Variants in ZNF521 observed in about 807,000 individuals in gnomAD.
The protein encoded by ZNF521 is zinc finger protein 521.
In ZNF521, 14 loss-of-function variants were observed where a neutral mutation model predicts 105.5. That is an observed-to-expected ratio of 0.13 (90% confidence interval 0.09 to 0.21). The LOEUF (loss-of-function observed/expected upper bound fraction) is 0.21. ZNF521 is among the 10% of genes least tolerant of loss of function. The probability of loss-of-function intolerance (pLI) is 1.00; values close to 1 mark genes in which losing one functional copy is unlikely to be tolerated. For missense variants in ZNF521, 1,233 were observed against 1,629.7 expected (o/e 0.76, Z 4.19); for synonymous variants, 635 against 606.0 (o/e 1.05, Z -0.70).
At chr18:25,281,431 C>T (rs1910373495) in intron 3 of ZNF521, among the ~76,000 whole-genome samples, 1 of 152,166 alleles carries the variant, frequency 6.6e-6, no homozygotes, top group African/African-American at 2.4e-5. Context: ...ACCCAAATCA[C>T]AAGTCAAGAA....
chr18:25,116,447 T>G (rs1034996083), intron 5 of ZNF521, among the ~76,000 whole-genome samples: 3 of 152,152 alleles, frequency 2.0e-5, no homozygotes, highest in African/African-American at 7.2e-5. Context: ...AGGTAACCCC[T>G]TAAACATGGT....
chr18:25,217,962 G>C (rs1282140935), intron 4 of ZNF521, among the ~76,000 whole-genome samples: 5 of 152,164 alleles, frequency 3.3e-5, no homozygotes, highest in African/African-American at 9.7e-5. Context: ...GTCAAGAGGA[G>C]AGAGGTTATT....
At chr18:25,260,703 C>T (rs1908847988) in intron 3 of ZNF521, among the ~76,000 whole-genome samples, 1 of 152,080 alleles carries the variant, frequency 6.6e-6, no homozygotes, top group South Asian at 2.1e-4. Context: ...ATTATAATTA[C>T]TCATGTGTCT....
chr18:25,326,063 G>T (rs1913198689), intron 2 of ZNF521, among the ~76,000 whole-genome samples: 1 of 152,126 alleles, frequency 6.6e-6, no homozygotes, highest in East Asian at 1.9e-4. Flanking sequence ...ATCAGTTTAA[G>T]GCCAACCAGC....
intron 3 of ZNF521, among the ~76,000 whole-genome samples, chr18:25,270,664 A>G (rs986938942): frequency 6.6e-6 from 1 of 152,190 alleles, no homozygotes; most frequent in Non-Finnish European, 1.5e-5. Context: ...AAACAGAACC[A>G]ATGACAAAAA....
chr18:25,127,178 T>G (rs1417474374), intron 5 of ZNF521, among the ~76,000 whole-genome samples: 3 of 151,976 alleles, frequency 2.0e-5, no homozygotes, highest in African/African-American at 7.2e-5. Flanking sequence ...AGGAGATTTT[T>G]GTGTGGGTAG....
chr18:25,299,238 C>T (rs1911493078), intron 3 of ZNF521, among the ~76,000 whole-genome samples: 1 of 152,158 alleles, frequency 6.6e-6, no homozygotes, highest in Admixed American at 6.5e-5. Flanking sequence ...ACACAGAATA[C>T]TAACATGTAA....
chr18:25,177,371 C>A (rs1055029237), intron 5 of ZNF521, among the ~76,000 whole-genome samples: 1 of 151,970 alleles, frequency 6.6e-6, no homozygotes, highest in African/African-American at 2.4e-5. Flanking sequence ...TCATAGGCAC[C>A]CATGGTATCA....
At chr18:25,139,788 C>T (rs2034812310) in intron 5 of ZNF521, among the ~76,000 whole-genome samples, 1 of 152,126 alleles carries the variant, frequency 6.6e-6, no homozygotes, top group Non-Finnish European at 1.5e-5. Context: ...TGTCTCCCTC[C>T]CAACTCATAT....
intron 5 of ZNF521, among the ~76,000 whole-genome samples, chr18:25,124,000 G>C (rs1259036088): frequency 4.6e-5 from 7 of 152,092 alleles, no homozygotes; most frequent in Non-Finnish European, 1.0e-4. Context: ...TATACTTGCG[G>C]GACTGGGAGC....
chr18:25,229,543 A>T (rs1400499942), intron 3 of ZNF521, among the ~76,000 whole-genome samples: 1 of 152,210 alleles, frequency 6.6e-6, no homozygotes, highest in Non-Finnish European at 1.5e-5. Flanking sequence ...CATACAAAAA[A>T]AAAAATTTAA....
intron 5 of ZNF521, among the ~76,000 whole-genome samples, chr18:25,148,430 T>C (rs1364510395): frequency 6.6e-6 from 1 of 152,200 alleles, no homozygotes; most frequent in Non-Finnish European, 1.5e-5. Flanking sequence ...CTGATTTCTA[T>C]GCATTGAGTT....
chr18:25,256,630 C>A lies in ZNF521; in HGVS notation c.221-28933G>T, dbSNP rs550095261. ...AAGACTTTAAGGCTTGAAAAGAGGC[C>A]CCCTACAGGAGCGAAGTGCGGGGAA... On this transcript the variant is annotated intron_variant, in intron 3 of 7. Transcript: ENST00000361524. Among the ~76,000 whole-genome samples the A allele has an allele frequency of 8.6e-5, 13 of 151,954 alleles. No individual in the cohort carries two copies. The East Asian group carries it at 2.1e-3, about 25-fold the overall frequency.
chr18:25,075,781 A>C (rs1414832436), intron 7 of ZNF521, among the ~76,000 whole-genome samples: 1 of 152,244 alleles, frequency 6.6e-6, no homozygotes, highest in Non-Finnish European at 1.5e-5. Context: ...CGCACGGCGC[A>C]GGAGAAAAGT....
chr18:25,323,537 C>A (rs1913047917), intron 2 of ZNF521, among the ~76,000 whole-genome samples: 1 of 152,012 alleles, frequency 6.6e-6, no homozygotes, highest in South Asian at 2.1e-4. Context: ...CAACTCCTGG[C>A]CTCAAGCAAT....
Position 25,221,349 on chromosome 18 carries a change from T to A in ZNF521, c.3573+2996A>T, listed in dbSNP as rs144538880. ...TATATAGTACTTATCCTCCCCAGATTTATATTTAAGTTTAAATCCCTTTTA... is the reference window on the plus strand; with the variant it reads ...TATATAGTACTTATCCTCCCCAGATATATATTTAAGTTTAAATCCCTTTTA... On this transcript the variant is annotated intron_variant, in intron 4 of 7. Transcript: ENST00000361524. Among the ~76,000 whole-genome samples, 9 of 152,336 alleles carry A rather than the reference T, an allele frequency of 5.9e-5. No homozygotes were observed. The East Asian group carries it at 1.7e-3, about 29-fold the overall frequency.
chr18:25,243,209 C>A lies in ZNF521; in HGVS notation c.221-15512G>T, dbSNP rs9946159. 1.5e-3 allele frequency among the ~76,000 whole-genome samples: 232 copies of A among 152,258 alleles called. 1 individual carries two copies. The highest frequency in any genetic ancestry group is 5.4e-3 in the African/African-American group (224 of 41,546). On this transcript the variant is annotated intron_variant, in intron 3 of 7. Coordinates refer to ENST00000361524, the MANE Select transcript of ZNF521 (RefSeq NM_015461.3). ...GTTTATATCAAACCAATCATCTTTT[C>A]TTCACAGTGGTCAATACTGGTTTGA...
intron 3 of ZNF521, among the ~76,000 whole-genome samples, chr18:25,278,922 G>A (rs1910202698): frequency 6.6e-6 from 1 of 152,018 alleles, no homozygotes; most frequent in African/African-American, 2.4e-5. Flanking sequence ...ATTAACTTTT[G>A]GTTATCTTTC....
At chr18:25,351,572 G>C (rs753809521) in intron 1 of ZNF521, 160 of 152,398 alleles carry the variant, frequency 1.0e-3, no homozygotes, top group Non-Finnish European at 2.0e-3. Context: ...CGATGAAAAG[G>C]TCTTGGAAAG....
Sources: allele counts gnomAD v4.1 joint callset (sites outside exome capture counted in the v4.1 genomes callset), GRCh38; gene constraint gnomAD v4.1.1; transcripts MANE v1.5; gene names NCBI Gene and HGNC (gene_info 2026-07-23, HGNC 2026-07-21).